RALGPS1: variants seen among roughly 807,000 people sequenced by gnomAD.
RALGPS1 encodes the protein ras-specific guanine nucleotide-releasing factor RalGPS1.
In RALGPS1, 19 loss-of-function variants were observed where a neutral mutation model predicts 78.8. That is an observed-to-expected ratio of 0.24 (90% confidence interval 0.17 to 0.35). The LOEUF (loss-of-function observed/expected upper bound fraction) is 0.35. RALGPS1 is among the 10% of genes least tolerant of loss of function. The pLI, the probability that RALGPS1 is intolerant of heterozygous loss-of-function variation, is 1.00. For missense variants in RALGPS1, 454 were observed against 688.3 expected (o/e 0.66, Z 3.81); for synonymous variants, 228 against 256.3 (o/e 0.89, Z 1.06).
intron 4 of RALGPS1, among the ~76,000 whole-genome samples, chr9:127,024,036 C>CAAAA (rs61549879): frequency 5.6e-5 from 4 of 71,668 alleles, no homozygotes; most frequent in Non-Finnish European, 1.0e-4. Context: ...GACTCTGTCT[C>CAAAA]AAAAAAAAAA....
At chr9:126,985,843 T>A (rs1262205403) in intron 4 of RALGPS1, among the ~76,000 whole-genome samples, 1 of 152,210 alleles carries the variant, frequency 6.6e-6, no homozygotes, top group Non-Finnish European at 1.5e-5. Flanking sequence ...TCCCAGTACC[T>A]GGAACACAGT....
In RALGPS1 at chr9:127,222,501, A is replaced by G. The variant is rs988719484; in HGVS notation, c.*3732A>G. On this transcript the variant is annotated 3_prime_UTR_variant, in exon 19 of 19. Transcript: ENST00000259351. ...TTTCAATGTTAAATACAACTACAAT[A>G]TGAGCGAGAACTGCATTTTCTTGGG... 52 of 152,262 alleles carry G rather than the reference A, an allele frequency of 3.4e-4. No homozygotes were observed. The highest frequency in any genetic ancestry group is 1.2e-3 in the African/African-American group (50 of 41,456). 9.4% of individuals were successfully genotyped at this position (152,262 alleles called of 1,614,324 possible).
intron 8 of RALGPS1, among the ~76,000 whole-genome samples, chr9:127,134,014 C>G (rs1413198644): frequency 6.6e-6 from 1 of 151,264 alleles, no homozygotes; most frequent in Admixed American, 6.6e-5. Context: ...GCTCCCCCCC[C>G]CGTGAATGCT....
chr9:126,986,123 C>T (rs1235088142), intron 4 of RALGPS1, among the ~76,000 whole-genome samples: 1 of 152,152 alleles, frequency 6.6e-6, no homozygotes, highest in African/African-American at 2.4e-5. Context: ...TTCATGACTT[C>T]TGCTGGTTTC....
intron 1 of RALGPS1, among the ~76,000 whole-genome samples, chr9:126,953,487 G>T (rs184803125): frequency 6.6e-4 from 101 of 152,236 alleles, no homozygotes; most frequent in Non-Finnish European, 1.2e-3. Context: ...AACTGAAAAA[G>T]CTGGTGCTCT....
intron 12 of RALGPS1, among the ~76,000 whole-genome samples, chr9:127,196,127 T>C (rs1041558993): frequency 1.3e-5 from 2 of 152,250 alleles, no homozygotes; most frequent in African/African-American, 2.4e-5. Flanking sequence ...ACCCGGTGCA[T>C]GTGACTCCAG....
Position 127,109,563 on chromosome 9 carries a change from C to G in RALGPS1, c.610+40207C>G, listed in dbSNP as rs1393916957. 3.3e-5 allele frequency among the ~76,000 whole-genome samples: 5 copies of G among 152,296 alleles called. No individual in the cohort carries two copies. In the East Asian group the frequency reaches 9.7e-4, roughly 29 times the overall value. ...TAGCCAGTGACAGCACAGTCCTGAC[C>G]ACTGCAACGTGATTAAGTTAGAAGG... On this transcript the variant is annotated intron_variant, in intron 8 of 18. Transcript: ENST00000259351.
intron 4 of RALGPS1, among the ~76,000 whole-genome samples, chr9:127,007,776 G>A (rs562303710): frequency 7.2e-5 from 11 of 152,306 alleles, no homozygotes; most frequent in East Asian, 3.9e-4. Flanking sequence ...GGTCAGGGCC[G>A]AAGACCCTTG....
intron 7 of RALGPS1, among the ~76,000 whole-genome samples, chr9:127,066,363 G>A (rs1447405553): frequency 2.0e-5 from 3 of 152,196 alleles, no homozygotes; most frequent in Admixed American, 1.3e-4. Flanking sequence ...TTCTTTGGCC[G>A]GGCATGGTGG....
chr9:126,976,594 T>C lies in RALGPS1; in HGVS notation c.166-1101T>C, dbSNP rs141967197. Among the ~76,000 whole-genome samples, 1,195 of 152,260 alleles carry C rather than the reference T, an allele frequency of 7.8e-3. 12 individuals carry two copies. The highest frequency in any genetic ancestry group is 0.051 in the South Asian group (244 of 4,820). The stretch of plus-strand genomic sequence containing the variant: ...AGATGTGGTACCTGACTGAGAGAGA[T>C]TGTGTGTCAAAGAGAACATTGCCGT... On this transcript the variant is annotated intron_variant, in intron 3 of 18. Transcript: ENST00000259351.
intron 5 of RALGPS1, among the ~76,000 whole-genome samples, chr9:127,041,565 C>CT (rs1409713382): frequency 1.3e-5 from 2 of 152,174 alleles, no homozygotes; most frequent in African/African-American, 4.8e-5. Context: ...TCTTGCTTTT[C>CT]TCAGCTTTAT....
intron 7 of RALGPS1, among the ~76,000 whole-genome samples, chr9:127,065,202 A>G (rs556244480): frequency 2.2e-4 from 33 of 152,144 alleles, no homozygotes; most frequent in African/African-American, 7.7e-4. Context: ...CAACCTTCGC[A>G]TCCCGGGTTC....
chr9:127,071,806 A>G (rs2050226208), intron 8 of RALGPS1, among the ~76,000 whole-genome samples: 1 of 152,148 alleles, frequency 6.6e-6, no homozygotes, highest in Non-Finnish European at 1.5e-5. Flanking sequence ...TTATTTTTAA[A>G]ACAGTTTACT....
chr9:127,114,930 C>G (rs1454215541), intron 8 of RALGPS1, among the ~76,000 whole-genome samples: 1 of 152,184 alleles, frequency 6.6e-6, no homozygotes, highest in Non-Finnish European at 1.5e-5. Context: ...GGTGTTCCTA[C>G]TAAGCTGTTG....
chr9:126,923,198 T>TTA (rs1192414650), intron 1 of RALGPS1, among the ~76,000 whole-genome samples: 1 of 152,230 alleles, frequency 6.6e-6, no homozygotes, highest in Admixed American at 6.5e-5. Context: ...TTTACAACAC[T>TTA]TAAAAAGGTC....
intron 8 of RALGPS1, among the ~76,000 whole-genome samples, chr9:127,093,173 C>T (rs1053242244): frequency 3.3e-5 from 5 of 152,114 alleles, no homozygotes; most frequent in Non-Finnish European, 7.3e-5. Flanking sequence ...GGGGGAAGAA[C>T]GATGTATGAC....
chr9:127,208,353 G>C (rs1489072703), intron 14 of RALGPS1, among the ~76,000 whole-genome samples: 3 of 152,214 alleles, frequency 2.0e-5, no homozygotes, highest in Non-Finnish European at 4.4e-5. Flanking sequence ...CCCCACAGTG[G>C]GTCCAGTCCC....
intron 7 of RALGPS1, among the ~76,000 whole-genome samples, chr9:127,064,059 TATC>T (rs2049457426): frequency 6.6e-6 from 1 of 152,242 alleles, no homozygotes; most frequent in Non-Finnish European, 1.5e-5. Context: ...ACAGAAATGT[TATC>T]ATACAGGCAA....
chr9:127,137,057 A>T lies in RALGPS1; in HGVS notation c.611-29012A>T, dbSNP rs76835177. Among the ~76,000 whole-genome samples, 1,236 of 152,356 alleles carry T rather than the reference A, an allele frequency of 8.1e-3. 26 individuals carry two copies. Among genetic ancestry groups the T allele is most frequent in the African/African-American group, 0.028 (1,176 of 41,582 alleles). The stretch of plus-strand genomic sequence containing the variant: ...AGAGGGGTATATTTTTAACTACCCC[A>T]CAATTAATAGGAATTGAGTTTGACA... On this transcript the variant is annotated intron_variant, in intron 8 of 18. Coordinates refer to ENST00000259351, the MANE Select transcript of RALGPS1 (RefSeq NM_014636.3).
Sources: gnomAD v4.1 joint callset for allele counts (sites outside exome capture counted in the v4.1 genomes callset) on GRCh38, gnomAD v4.1.1 for gene constraint, MANE v1.5 for transcripts, NCBI Gene and HGNC (gene_info 2026-07-23, HGNC 2026-07-21) for gene names.